The following MOV10 variants were observed in gnomAD, a reference collection of about 807,000 sequenced individuals.
The protein encoded by MOV10 is Mov10 RNA helicase, also known as RNA helicase MOV-10.
In MOV10, 39 loss-of-function variants were observed where a neutral mutation model predicts 108.4. The observed-to-expected ratio is 0.36, with a 90% CI of 0.28 to 0.47. MOV10 has a LOEUF of 0.47. MOV10 is among the 20% of genes least tolerant of loss of function. MOV10 has a pLI of 1.00. For missense variants in MOV10, 952 were observed against 1,297.6 expected, an observed-to-expected ratio of 0.73 and a Z score of 4.09; for synonymous variants, 490 against 523.1, an observed-to-expected ratio of 0.94 and a Z score of 0.86.
At chr1:112,677,835 G>T (rs1384110225) in intron 2 of MOV10, among the ~76,000 whole-genome samples, 1 of 152,064 alleles carries the variant, frequency 6.6e-6, no homozygotes, top group East Asian at 1.9e-4. Flanking sequence ...AGAGGGGATA[G>T]GTCTCTCCAG....
At chr1:112,685,835 G>A (rs908581948) in intron 2 of MOV10, among the ~76,000 whole-genome samples, 1 of 152,144 alleles carries the variant, frequency 6.6e-6, no homozygotes, top group Non-Finnish European at 1.5e-5. Context: ...GGGTAGTGAT[G>A]AGAGACATAG....
chr1:112,684,262 A>AT (rs71084487), intron 2 of MOV10, among the ~76,000 whole-genome samples: 2,699 of 93,818 alleles, frequency 0.029, 103 homozygotes, highest in African/African-American at 0.075. Flanking sequence ...AGTCCCTGGG[A>AT]TTTTTTTTTT....
Position 112,689,024 on chromosome 1 carries a change from T to A in MOV10, c.227T>A (p.Phe76Tyr), listed in dbSNP as rs1343577793. The A allele has an allele frequency of 6.8e-6, 11 of 1,612,594 alleles. No individual in the cohort carries two copies. The highest frequency in any genetic ancestry group is 1.3e-5 in the African/African-American group (1 of 74,996). ...LAYVTKTRVR[F>Y]FRLDRWADVR... The stretch of plus-strand genomic sequence containing the variant: ...TACGTCACCAAGACTCGGGTCAGGT[T>A]CTTCAGACTCGACCGCTGGGCCGAC... Residue 76 changes from phenylalanine (F) to tyrosine (Y), a missense_variant, in exon 3 of 21, where the codon TTC becomes TAC. Around this residue, in one of 5 missense-constraint regions of MOV10, gnomAD observed 374 missense variants for 468.6 expected, o/e 0.80. Coordinates refer to ENST00000369645, the MANE Select transcript of MOV10 (RefSeq NM_001321324.2).
At chr1:112,677,257 T>C (rs1029584445) in intron 2 of MOV10, among the ~76,000 whole-genome samples, 4 of 152,154 alleles carry the variant, frequency 2.6e-5, no homozygotes, top group Non-Finnish European at 5.9e-5. Flanking sequence ...TACAAGGTAA[T>C]TATCCTTGAC....
At chr1:112,681,306 A>T (rs1379304529) in intron 2 of MOV10, among the ~76,000 whole-genome samples, 1 of 152,000 alleles carries the variant, frequency 6.6e-6, no homozygotes, top group Admixed American at 6.6e-5. Context: ...AGTCTGGCCA[A>T]CATGGCGAAA....
At chr1:112,684,866 G>A (rs1672950324) in intron 2 of MOV10, among the ~76,000 whole-genome samples, 1 of 151,970 alleles carries the variant, frequency 6.6e-6, no homozygotes, top group Non-Finnish European at 1.5e-5. Flanking sequence ...CTGTTGAATT[G>A]TTCATCTTGT....
chr1:112,692,020 G>A (rs1425307413), intron 6 of MOV10, among the ~76,000 whole-genome samples: 1 of 152,164 alleles, frequency 6.6e-6, no homozygotes, highest in African/African-American at 2.4e-5. Context: ...ATTTCATGGA[G>A]TGATGAGTGC....
At position 112,699,808 on chromosome 1, in the gene MOV10, A is replaced by G. The variant is rs763811223; in HGVS notation, c.2707A>G (p.Lys903Glu). The G allele has an allele frequency of 3.7e-6, 6 of 1,614,194 alleles. No individual in the cohort carries two copies. The highest frequency in any genetic ancestry group is 5.1e-6 in the Non-Finnish European group (6 of 1,180,026). The change falls in exon 18 of 21, where the codon AAG (lysine) becomes GAG (glutamate). Residue 903 changes from lysine to glutamate, a missense_variant and splice_region_variant. By Grantham distance (56) the Lys-to-Glu change is moderately conservative (BLOSUM62 1). Coordinates refer to ENST00000369645, the MANE Select transcript of MOV10 (RefSeq NM_001321324.2). ...TAATCTGGGTTTCCTTAAGAACCCC[A>G]AGGTTTGAGGGCTGGTCGGGGTGGC... The part of the protein sequence containing the change: ...DFNLGFLKNP[K>E]RFNVAVTRAK...
intron 6 of MOV10, among the ~76,000 whole-genome samples, chr1:112,692,023 A>T (rs1256638166): frequency 6.6e-6 from 1 of 152,182 alleles, no homozygotes; most frequent in Non-Finnish European, 1.5e-5. Context: ...TCATGGAGTG[A>T]TGAGTGCTGT....
chr1:112,679,866 A>G (rs1672487901), intron 2 of MOV10, among the ~76,000 whole-genome samples: 1 of 152,152 alleles, frequency 6.6e-6, no homozygotes, highest in Admixed American at 6.5e-5. Context: ...GTGAGAACAT[A>G]AATTTGTACA....
chr1:112,693,959 G>C, intron 7 of MOV10, 59 bp from the exon 8 acceptor site: 1 of 1,562,922 alleles, frequency 6.4e-7, no homozygotes, highest in Non-Finnish European at 8.8e-7. Flanking sequence ...GAACCTGGGG[G>C]CTGGGCCCTC....
intron 12 of MOV10, 54 bp downstream of exon 12, chr1:112,696,305 C>T: frequency 6.8e-7 from 1 of 1,468,262 alleles, no homozygotes; most frequent in South Asian, 1.1e-5. Context: ...TAAAGGGGTA[C>T]CGGGCTGGGG....
chr1:112,680,891 C>T (rs1010600062), intron 2 of MOV10, among the ~76,000 whole-genome samples: 14 of 151,368 alleles, frequency 9.2e-5, no homozygotes, highest in South Asian at 4.2e-4. Flanking sequence ...TTAGTAGAGA[C>T]GAGGTTTCAC....
At chr1:112,683,648 C>A (rs960202232) in intron 2 of MOV10, among the ~76,000 whole-genome samples, 1 of 152,070 alleles carries the variant, frequency 6.6e-6, no homozygotes, top group Non-Finnish European at 1.5e-5. Context: ...CTGGTTGTTC[C>A]GTATCCTTAC....
In MOV10 at chr1:112,689,599, C is replaced by T. The variant is rs1326816490; in HGVS notation, c.526C>T (p.Gln176Ter). 1 of 1,614,104 alleles carries T rather than the reference C, an allele frequency of 6.2e-7. No homozygotes were observed. The highest frequency in any genetic ancestry group is 2.2e-5 in the East Asian group (1 of 44,892). ...THLFPLCRTP[Q>*]FAFYNEDQEL... ...CCTCTTCCCACTCTGCCGGACACCC[C>T]AGTTTGCTTTCTACAATGAAGACCA... The change falls in exon 4 of 21, where the codon CAG becomes TAG. Residue 176 changes from glutamine (Q) to a stop codon, truncating the protein, a stop_gained. Coordinates refer to ENST00000369645, the MANE Select transcript of MOV10 (RefSeq NM_001321324.2). LOFTEE classifies it high-confidence loss of function.
At position 112,691,736 on chromosome 1, in the gene MOV10, T is replaced by G; in HGVS notation, c.908T>G (p.Leu303Arg). Residue 303 changes from leucine (L) to arginine (R), a missense_variant, in exon 6 of 21, where the codon CTG (leucine) becomes CGG (arginine). Coordinates refer to ENST00000369645, the MANE Select transcript of MOV10 (RefSeq NM_001321324.2). ...TYYPPPRLRQ[L>R]LPMLLQGTSI... ...TACCCACCTCCCCGCCTCAGGCAGC[T>G]GCTCCCCATGCTTCTTCAGGGAACA... 6.2e-7 allele frequency: 1 copy of G among 1,614,192 alleles called. No individual in the cohort carries two copies. The highest frequency in any genetic ancestry group is 8.5e-7 in the Non-Finnish European group (1 of 1,180,048).
At chr1:112,685,619 C>T (rs1162047009) in intron 2 of MOV10, among the ~76,000 whole-genome samples, 1 of 148,438 alleles carries the variant, frequency 6.7e-6, no homozygotes, top group East Asian at 2.1e-4. Context: ...CGTGCCACTG[C>T]CCTCCAGCCT....
chr1:112,680,371 T>C (rs900713042), intron 2 of MOV10, among the ~76,000 whole-genome samples: 1 of 150,320 alleles, frequency 6.7e-6, no homozygotes, highest in Admixed American at 6.6e-5. Context: ...TAAAAATACT[T>C]TTGGGCCGGG....
Position 112,694,662 on chromosome 1 carries a change from C to T in MOV10, c.1472+33C>T. The T allele has an allele frequency of 6.3e-7, 1 of 1,592,626 alleles. No homozygotes were observed. ...TGTGGGCAGGGAGCTTCTGGAGCCA[C>T]TTGGAGTGTGGGCACAGGGGGTGGA... is the stretch of plus-strand genomic sequence containing the variant. On this transcript the variant is annotated intron_variant, in intron 9 of 20. Coordinates refer to ENST00000369645, the MANE Select transcript of MOV10 (RefSeq NM_001321324.2). This position sits in a 1 kb window ranked among gnomAD's most constrained non-coding sequence, Gnocchi z 4.1.
Sources: allele counts gnomAD v4.1 joint callset (sites outside exome capture counted in the v4.1 genomes callset), GRCh38; gene constraint gnomAD v4.1.1; regional missense constraint gnomAD v4.1.1; non-coding constraint Gnocchi (gnomAD v3.1); transcripts MANE v1.5; gene names NCBI Gene and HGNC (gene_info 2026-07-23, HGNC 2026-07-21).